The following EMILIN2 variants were observed in gnomAD, a reference collection of about 807,000 sequenced individuals.
EMILIN2 encodes EMILIN-2.
A neutral mutation model predicts 87.1 loss-of-function variants in EMILIN2; 71 were observed. The ratio of observed to expected loss-of-function variants is 0.82; its 90% CI spans 0.67 to 0.99. EMILIN2 has a LOEUF of 0.99. EMILIN2 is among the 50% of genes least tolerant of loss of function. The probability of loss-of-function intolerance (pLI) is 0.00; values close to 1 mark genes in which losing one functional copy is unlikely to be tolerated. For synonymous variants in EMILIN2, 581 were observed against 563.4 expected (o/e 1.03, Z -0.44); for missense variants, 1,407 against 1,371.8 (o/e 1.03, Z -0.40).
rs767275270 is a variant in EMILIN2, at chr18:2,891,094, G to A, written c.967G>A (p.Asp323Asn). ...LYQAYVDSKI[D>N]ALREELMEGM... ...CCAAGCCTATGTGGACAGTAAGATC[G>A]ACGCCCTGAGAGAGGAGCTCATGGA... Residue 323 changes from aspartate to asparagine, a missense_variant, in exon 4 of 8, where the codon GAC (aspartate) becomes AAC (asparagine). Asp to Asn is a conservative substitution (Grantham distance 23). Transcript: ENST00000254528. The surrounding 1 kb of genome is among the most constrained non-coding windows in gnomAD (Gnocchi z 4.6). The A allele has an allele frequency of 6.2e-6, 10 of 1,614,032 alleles. No homozygotes were observed. Among genetic ancestry groups the A allele is most frequent in the South Asian group, 5.5e-5 (5 of 91,078 alleles).
chr18:2,857,102 C>T (rs1372834200), intron 2 of EMILIN2, among the ~76,000 whole-genome samples: 1 of 151,870 alleles, frequency 6.6e-6, no homozygotes, highest in Non-Finnish European at 1.5e-5. Context: ...TTTTTTTGTT[C>T]CACCTAAGAA....
At chr18:2,874,810 A>G (rs1043572019) in intron 2 of EMILIN2, among the ~76,000 whole-genome samples, 1 of 152,228 alleles carries the variant, frequency 6.6e-6, no homozygotes, top group African/African-American at 2.4e-5. Flanking sequence ...AAAGGAAGAA[A>G]CTATGTTTAA....
In EMILIN2 at chr18:2,847,076, C is replaced by T. The variant is rs1195737513; in HGVS notation, c.-113C>T. On this transcript the variant is annotated 5_prime_UTR_variant, in exon 1 of 8. Transcript: ENST00000254528. This position sits in a 1 kb window ranked among gnomAD's most constrained non-coding sequence, Gnocchi z 4.5. The stretch of plus-strand genomic sequence containing the variant: ...CACTGGTTGGAGCGCCGCGAAGCGC[C>T]CGAGCCTCTTGCCTTCGCGGGCGGC... 2 of 1,084,978 alleles carry T rather than the reference C, an allele frequency of 1.8e-6. No individual in the cohort carries two copies. The highest frequency in any genetic ancestry group is 9.5e-5 in the Admixed American group (2 of 21,106). 67.2% of individuals were successfully genotyped at this position (1,084,978 alleles called of 1,614,324 possible). A position where few individuals can be genotyped will look rare whatever the true frequency, so the allele number is the denominator to read the frequency against.
chr18:2,913,365 T>G lies in EMILIN2; in HGVS notation c.3123T>G (p.Phe1041Leu). ...ACTTTGATGAAATGTACTCCACATT[T>G]AGTGGGGTTTTCTTATATCCTTTCC... ...HTDFDEMYST[F>L]SGVFLYPFLS... The change falls in exon 8 of 8, where the codon TTT becomes TTG. Residue 1041 changes from phenylalanine to leucine, a missense_variant. Phe to Leu is a conservative substitution (Grantham distance 22). Coordinates refer to ENST00000254528, the MANE Select transcript of EMILIN2 (RefSeq NM_032048.3). The G allele has an allele frequency of 1.2e-6, 2 of 1,610,448 alleles. No individual in the cohort carries two copies. Among genetic ancestry groups the G allele is most frequent in the Non-Finnish European group, 1.7e-6 (2 of 1,178,276 alleles).
intron 2 of EMILIN2, among the ~76,000 whole-genome samples, chr18:2,858,820 G>A (rs1268210793): frequency 2.6e-5 from 4 of 151,046 alleles, no homozygotes; most frequent in East Asian, 1.9e-4. Context: ...ATTTTTAGTT[G>A]AGACGGGGTT....
In EMILIN2 at chr18:2,848,424, T is replaced by C. The variant is rs2076587233; in HGVS notation, c.257+493T>C. Reference sequence around the variant, plus strand: ...CATAAAACGGAATCTTCCAGTTTTGTAGATGTCTAAGCTAAAACCTCAGGA... The same window carrying C: ...CATAAAACGGAATCTTCCAGTTTTGCAGATGTCTAAGCTAAAACCTCAGGA... On this transcript the variant is annotated intron_variant, in intron 2 of 7. Transcript: ENST00000254528. This position sits in a 1 kb window ranked among gnomAD's most constrained non-coding sequence, Gnocchi z 4.1. Among the ~76,000 whole-genome samples, 1 of 152,184 alleles carries C rather than the reference T, an allele frequency of 6.6e-6. No individual in the cohort carries two copies. The highest frequency in any genetic ancestry group is 2.1e-4 in the South Asian group (1 of 4,832).
In EMILIN2 at chr18:2,913,068, G is replaced by C. The variant is rs756924895; in HGVS notation, c.2826G>C (p.Gly942=). 6.2e-7 allele frequency: 1 copy of C among 1,608,396 alleles called. No homozygotes were observed. The highest frequency in any genetic ancestry group is 1.1e-5 in the South Asian group (1 of 91,074). Residue 942 remains glycine, a splice_region_variant and synonymous_variant, in exon 8 of 8, where the codon GGG becomes GGC. Coordinates refer to ENST00000254528, the MANE Select transcript of EMILIN2 (RefSeq NM_032048.3). ...CAGGGTTTGCCTTTCTCCCCGCAGG[G>C]GTCTTCACGGCTCCTTATGATGGGC... ...NDGDVYNPST[G]VFTAPYDGRY...
intron 3 of EMILIN2, among the ~76,000 whole-genome samples, chr18:2,888,000 A>C (rs2076811456): frequency 6.6e-6 from 1 of 152,188 alleles, no homozygotes; most frequent in Admixed American, 6.5e-5. Context: ...CCTATAATGG[A>C]CAACCTTCCA....
intron 2 of EMILIN2, among the ~76,000 whole-genome samples, chr18:2,859,354 A>G (rs1376025169): frequency 1.3e-5 from 2 of 151,816 alleles, no homozygotes; most frequent in Non-Finnish European, 2.9e-5. Flanking sequence ...TTTTTTGGCC[A>G]TTTGTACATC....
intron 3 of EMILIN2, among the ~76,000 whole-genome samples, chr18:2,889,110 T>G (rs2076818296): frequency 6.7e-6 from 1 of 149,774 alleles, no homozygotes; most frequent in Admixed American, 6.7e-5. Context: ...TTTCTTTTTC[T>G]TTCCTTTTCA....
chr18:2,865,623 G>A (rs1010357179), intron 2 of EMILIN2, among the ~76,000 whole-genome samples: 1 of 152,194 alleles, frequency 6.6e-6, no homozygotes, highest in African/African-American at 2.4e-5. Flanking sequence ...TGCCCCTACT[G>A]GGGGGTGCCT....
intron 2 of EMILIN2, among the ~76,000 whole-genome samples, chr18:2,869,566 T>C (rs1210792413): frequency 6.6e-6 from 1 of 152,198 alleles, no homozygotes; most frequent in Non-Finnish European, 1.5e-5. Flanking sequence ...CAGAAAGATT[T>C]TGAGATTCAT....
chr18:2,879,636 G>T (rs537692002), intron 2 of EMILIN2, among the ~76,000 whole-genome samples: 9 of 152,066 alleles, frequency 5.9e-5, no homozygotes, highest in African/African-American at 1.9e-4. Flanking sequence ...ACTCCAGCCT[G>T]AGCGACAGAG....
chr18:2,906,918 A>C lies in EMILIN2; in HGVS notation c.2495A>C (p.Glu832Ala), dbSNP rs2076916355. ...CCCGTCCTGCCCCAGCGGCCCCCCGAGGAGAGGCCGCCCCAGCCGCCAGGC... is the reference window on the plus strand; with the variant it reads ...CCCGTCCTGCCCCAGCGGCCCCCCGCGGAGAGGCCGCCCCAGCCGCCAGGC... Reference protein sequence around the residue: ...RRPVLPQRPPEERPPQPPGST... With the variant: ...RRPVLPQRPPAERPPQPPGST... Residue 832 changes from glutamate (E) to alanine (A), a missense_variant, in exon 5 of 8, where the codon GAG (glutamate) becomes GCG (alanine). By Grantham distance (107) the Glu-to-Ala change is moderately radical (BLOSUM62 -1). Coordinates refer to ENST00000254528, the MANE Select transcript of EMILIN2 (RefSeq NM_032048.3). 1 of 1,395,970 alleles carries C rather than the reference A, an allele frequency of 7.2e-7. No individual in the cohort carries two copies. Among genetic ancestry groups the C allele is most frequent in the Admixed American group, 2.7e-5 (1 of 37,350 alleles). 86.5% of individuals were successfully genotyped at this position (1,395,970 alleles called of 1,614,324 possible).
Position 2,891,060 on chromosome 18 carries a change from C to A in EMILIN2, c.933C>A (p.Asn311Lys). Residue 311 changes from asparagine to lysine, a missense_variant, in exon 4 of 8, where the codon AAC becomes AAA. By Grantham distance (94) the Asn-to-Lys change is moderately conservative. Coordinates refer to ENST00000254528, the MANE Select transcript of EMILIN2 (RefSeq NM_032048.3). The surrounding 1 kb of genome is among the most constrained non-coding windows in gnomAD (Gnocchi z 4.6). ...AQGPTVTMTT[N>K]ELYQAYVDSK... ...GCCCGACGGTGACCATGACAACCAACGAACTCTACCAAGCCTATGTGGACA... is the reference window on the plus strand; with the variant it reads ...GCCCGACGGTGACCATGACAACCAAAGAACTCTACCAAGCCTATGTGGACA... 2 of 1,614,202 alleles carry A rather than the reference C, an allele frequency of 1.2e-6. No individual in the cohort carries two copies. The highest frequency in any genetic ancestry group is 8.5e-7 in the Non-Finnish European group (1 of 1,180,030).
intron 2 of EMILIN2, among the ~76,000 whole-genome samples, chr18:2,882,276 C>A (rs1484201530): frequency 1.3e-5 from 2 of 152,332 alleles, no homozygotes; most frequent in South Asian, 2.1e-4. Context: ...CATTTTACTA[C>A]CAGGCTTCCT....
At chr18:2,856,601 C>A (rs2076628621) in intron 2 of EMILIN2, among the ~76,000 whole-genome samples, 1 of 152,208 alleles carries the variant, frequency 6.6e-6, no homozygotes, top group South Asian at 2.1e-4. Flanking sequence ...CCAACAGTTA[C>A]ACAGAACTTT....
intron 2 of EMILIN2, among the ~76,000 whole-genome samples, chr18:2,878,480 AC>A (rs200385500): frequency 0.016 from 2,401 of 151,166 alleles, 54 homozygotes; most frequent in African/African-American, 0.052. Context: ...ACAGAGTGAG[AC>A]TCTGTCTCAA....
chr18:2,846,841 C>T (rs2143937980), upstream of EMILIN2: 1 of 985,386 alleles, frequency 1.0e-6, no homozygotes. This position sits in a 1 kb window ranked among gnomAD's most constrained non-coding sequence, Gnocchi z 5.3. Flanking sequence ...CCTTTCGCCC[C>T]TCCACCCCGA....
Sources: allele counts gnomAD v4.1 joint callset (sites outside exome capture counted in the v4.1 genomes callset), GRCh38; gene constraint gnomAD v4.1.1; non-coding constraint Gnocchi (gnomAD v3.1); transcripts MANE v1.5; gene names NCBI Gene and HGNC (gene_info 2026-07-23, HGNC 2026-07-21).